Variants in NGEF observed in about 807,000 individuals in gnomAD.
NGEF encodes the protein neuronal guanine nucleotide exchange factor.
NGEF carries 31 observed loss-of-function variants against 80.9 expected under a neutral mutation model. The ratio of observed to expected loss-of-function variants is 0.38; its 90% CI spans 0.29 to 0.52. NGEF has a LOEUF of 0.52. Among genes scored for constraint, NGEF ranks in the 20% least tolerant of loss-of-function variants. The probability of loss-of-function intolerance (pLI) is 0.84; values close to 1 mark genes in which losing one functional copy is unlikely to be tolerated. For missense variants in NGEF, 709 were observed against 926.2 expected, an observed-to-expected ratio of 0.77 and a Z score of 3.04; for synonymous variants, 371 against 370.2, an observed-to-expected ratio of 1.00 and a Z score of -0.03.
Position 232,884,107 on chromosome 2 carries a change from T to G in NGEF, c.1475A>C (p.Lys492Thr), listed in dbSNP as rs1314281329. 6.2e-7 allele frequency: 1 copy of G among 1,609,776 alleles called. No individual in the cohort carries two copies. Among genetic ancestry groups the G allele is most frequent in the Non-Finnish European group, 8.5e-7 (1 of 1,178,990 alleles). The change falls in exon 11 of 15, where the codon AAG becomes ACG. Residue 492 changes from lysine (K) to threonine (T), a missense_variant. By Grantham distance (78) the Lys-to-Thr change is moderately conservative. Transcript: ENST00000264051. ...PIISHSRWLL[K>T]QGELQQMSGP... ...TGACATCTGCTGCAGCTCACCCTGC[T>G]TCAGCAGCCAGCGGGAGTGGGAGAT...
At chr2:232,902,268 G>A (rs1004626692) in intron 5 of NGEF, among the ~76,000 whole-genome samples, 1 of 152,230 alleles carries the variant, frequency 6.6e-6, no homozygotes, top group Non-Finnish European at 1.5e-5. Context: ...TTCCAGTTAA[G>A]AAGAAACCCC....
Position 232,995,371 on chromosome 2 carries a change from A to G in NGEF, c.-75+17697T>C, listed in dbSNP as rs1351298118. The stretch of plus-strand genomic sequence containing the variant: ...AGTATGTATACTGTATACTGTATAT[A>G]TATACACAGTATGTATACTGTATAC... On this transcript the variant is annotated intron_variant, in intron 1 of 14. Coordinates refer to ENST00000264051, the MANE Select transcript of NGEF (RefSeq NM_019850.3). Among the ~76,000 whole-genome samples the G allele has an allele frequency of 4.7e-4, 6 of 12,830 alleles. 3 individuals are homozygous for G. The highest frequency in any genetic ancestry group is 3.8e-3 in the African/African-American group (6 of 1,582). 8.4% of individuals were successfully genotyped at this position (12,830 alleles called of 152,430 possible).
At chr2:232,941,847 C>A (rs1209853280) in intron 3 of NGEF, among the ~76,000 whole-genome samples, 1 of 152,110 alleles carries the variant, frequency 6.6e-6, no homozygotes, top group Non-Finnish European at 1.5e-5. Context: ...CAAAGAATCA[C>A]GAATTCAACT....
At chr2:232,976,101 T>C (rs896762647) in intron 1 of NGEF, among the ~76,000 whole-genome samples, 3 of 152,084 alleles carry the variant, frequency 2.0e-5, no homozygotes, top group East Asian at 3.9e-4. Context: ...CTCGGGAGGC[T>C]GAGGCAGGAG....
chr2:232,970,419 A>AC, intron 2 of NGEF, 91 bp from the exon 3 acceptor site: 1 of 835,346 alleles, frequency 1.2e-6, no homozygotes, highest in Non-Finnish European at 1.9e-6. Context: ...AGCAGCAGTC[A>AC]TGCTGGAAGG....
At chr2:232,884,993 C>T in intron 10 of NGEF, 1 of 345,440 alleles carries the variant, frequency 2.9e-6, no homozygotes, top group Non-Finnish European at 5.3e-6. Flanking sequence ...CAAGGCCACG[C>T]AGCGGGCAGG....
intron 1 of NGEF, among the ~76,000 whole-genome samples, chr2:232,987,249 C>T (rs994694790): frequency 2.0e-5 from 3 of 152,066 alleles, no homozygotes; most frequent in East Asian, 1.9e-4. Flanking sequence ...AACTCCTGAC[C>T]TCAAGTGATC....
Position 232,930,764 on chromosome 2 carries a change from G to A in NGEF, c.384-3578C>T, listed in dbSNP as rs79598684. On this transcript the variant is annotated intron_variant, in intron 3 of 14. Coordinates refer to ENST00000264051, the MANE Select transcript of NGEF (RefSeq NM_019850.3). The stretch of plus-strand genomic sequence containing the variant: ...ACCCTGGGAGTTAGGATTTCAACAC[G>A]TGAATGTTGCGGGAGACACAGACAT... Among the ~76,000 whole-genome samples, 720 of 152,266 alleles carry A rather than the reference G, an allele frequency of 4.7e-3. 8 individuals carry two copies. The highest frequency in any genetic ancestry group is 0.017 in the African/African-American group (696 of 41,534).
At chr2:233,011,042 G>A (rs1273153043) in intron 1 of NGEF, among the ~76,000 whole-genome samples, 2 of 152,122 alleles carry the variant, frequency 1.3e-5, no homozygotes, top group African/African-American at 4.8e-5. Context: ...CTGCTCCGCT[G>A]GGCCACGGTG....
chr2:232,891,460 CAGCTCCCGGAA>C lies in NGEF; in HGVS notation c.1159_1169del (p.Phe387AspfsTer45). 1 of 1,613,240 alleles carries C rather than the reference CAGCTCCCGGAA, an allele frequency of 6.2e-7. No homozygotes were observed. The highest frequency in any genetic ancestry group is 8.5e-7 in the Non-Finnish European group (1 of 1,179,944). On this transcript the variant is annotated frameshift_variant, in exon 8 of 15. Transcript: ENST00000264051. LOFTEE classifies it high-confidence loss of function. ...TGGGGTCGAGCTCTAGCTGCGCGATCAGCTCCCGGAAAGCTGCCTTCTCCTGGCTGGGGACA... is the reference window on the plus strand; with the variant it reads ...TGGGGTCGAGCTCTAGCTGCGCGATCAGCTGCCTTCTCCTGGCTGGGGACA...
Position 232,894,931 on chromosome 2 carries a change from C to T in NGEF, c.829-15G>A, listed in dbSNP as rs1405615923. 2.6e-6 allele frequency: 4 copies of T among 1,556,924 alleles called. No homozygotes were observed. The highest frequency in any genetic ancestry group is 2.3e-5 in the East Asian group (1 of 43,854). On this transcript the variant is annotated splice_polypyrimidine_tract_variant and intron_variant, in intron 5 of 14. Transcript: ENST00000264051. Reference sequence around the variant, plus strand: ...TCGAACATGGCCTGTAGCAGGGAGACCCCATGGTTACCGCCTGAAGTTGGC... The same window carrying T: ...TCGAACATGGCCTGTAGCAGGGAGATCCCATGGTTACCGCCTGAAGTTGGC...
intron 3 of NGEF, among the ~76,000 whole-genome samples, chr2:232,938,234 T>C (rs1314719954): frequency 6.6e-6 from 1 of 152,200 alleles, no homozygotes; most frequent in Non-Finnish European, 1.5e-5. Context: ...CTGGAGGATA[T>C]TGCTTGGCTA....
chr2:232,985,017 C>T (rs1048266765), intron 1 of NGEF, among the ~76,000 whole-genome samples: 13 of 152,016 alleles, frequency 8.6e-5, no homozygotes, highest in African/African-American at 3.1e-4. Context: ...CTCAGGATCC[C>T]CCAGCCATCT....
chr2:232,979,796 G>A (rs1017729153), intron 1 of NGEF, among the ~76,000 whole-genome samples: 2 of 151,640 alleles, frequency 1.3e-5, no homozygotes, highest in African/African-American at 4.8e-5. Flanking sequence ...ACAGGACTTG[G>A]TCTGTTTGGG....
At position 232,927,153 on chromosome 2, in the gene NGEF, C is replaced by T. The variant is rs749146030; in HGVS notation, c.417G>A (p.Thr139=). The T allele has an allele frequency of 3.1e-6, 5 of 1,603,436 alleles. No homozygotes were observed. In the African/African-American group the frequency reaches 5.4e-5, roughly 17 times the overall value. The change falls in exon 4 of 15, where the codon ACG becomes ACA. Residue 139 remains threonine (T), a synonymous_variant. Coordinates refer to ENST00000264051, the MANE Select transcript of NGEF (RefSeq NM_019850.3). ...ESSSTPGNGA[T]PEEWPALADS... ...CGGCCAGGGCCGGCCACTCCTCGGG[C>T]GTGGCCCCATTTCCCGGGGTGGAGG...
intron 1 of NGEF, among the ~76,000 whole-genome samples, chr2:232,990,053 C>T (rs999367584): frequency 6.6e-6 from 1 of 152,086 alleles, no homozygotes; most frequent in Non-Finnish European, 1.5e-5. Flanking sequence ...TAACATGTTT[C>T]CAGAAGTTTT....
intron 3 of NGEF, among the ~76,000 whole-genome samples, chr2:232,937,973 T>C (rs10193403): frequency 6.6e-6 from 1 of 151,964 alleles, no homozygotes; most frequent in African/African-American, 2.4e-5. Flanking sequence ...TTTTGGGATG[T>C]GTTGCTCTGG....
rs1213150858 is a variant in NGEF, at chr2:232,970,202, G to A, written c.383+12C>T. 2 of 1,487,458 alleles carry A rather than the reference G, an allele frequency of 1.3e-6. No homozygotes were observed. The highest frequency in any genetic ancestry group is 1.2e-5 in the South Asian group (1 of 81,394). 92.1% of individuals were successfully genotyped at this position (1,487,458 alleles called of 1,614,324 possible). On this transcript the variant is annotated intron_variant, in intron 3 of 14. Transcript: ENST00000264051. Reference sequence around the variant, plus strand: ...CCCAGACCAGCATTCCTCATGATCTGCCATCTCTTACCTCATTTCCTGGGC... The same window carrying A: ...CCCAGACCAGCATTCCTCATGATCTACCATCTCTTACCTCATTTCCTGGGC...
chr2:232,927,726 T>G (rs1475216065), intron 3 of NGEF, among the ~76,000 whole-genome samples: 14 of 149,328 alleles, frequency 9.4e-5, no homozygotes, highest in South Asian at 6.5e-4. Context: ...ACCCACCCGA[T>G]GGGGTGCGGG....
Sources: allele counts gnomAD v4.1 joint callset (sites outside exome capture counted in the v4.1 genomes callset), GRCh38; gene constraint gnomAD v4.1.1; transcripts MANE v1.5; gene names NCBI Gene and HGNC (gene_info 2026-07-23, HGNC 2026-07-21).